DGKH: variants seen among roughly 807,000 people sequenced by gnomAD.
DGKH encodes DAG kinase eta.
A neutral mutation model predicts 159.3 loss-of-function variants in DGKH; 90 were observed. The ratio of observed to expected loss-of-function variants is 0.57; its 90% CI spans 0.48 to 0.67. The LOEUF (loss-of-function observed/expected upper bound fraction) is 0.67, where lower values mean the gene tolerates loss of function less well. DGKH is among the 30% of genes least tolerant of loss of function. DGKH has a pLI of 0.00. For missense variants in DGKH, 1,181 were observed against 1,506.1 expected, an observed-to-expected ratio of 0.78 and a Z score of 3.57; for synonymous variants, 536 against 553.8, an observed-to-expected ratio of 0.97 and a Z score of 0.45.
intron 1 of DGKH, among the ~76,000 whole-genome samples, chr13:42,055,107 C>T (rs1306778645): frequency 6.6e-6 from 1 of 152,118 alleles, no homozygotes; most frequent in African/African-American, 2.4e-5. Context: ...TAAAATCAGG[C>T]GGCCGGCAGG....
chr13:42,172,682 T>A (rs1956492803), intron 11 of DGKH, among the ~76,000 whole-genome samples: 1 of 152,196 alleles, frequency 6.6e-6, no homozygotes, highest in South Asian at 2.1e-4. Flanking sequence ...ATTTTACATC[T>A]TTTTCTTTGA....
At chr13:42,135,881 A>T (rs985288524) in intron 3 of DGKH, among the ~76,000 whole-genome samples, 1 of 152,138 alleles carries the variant, frequency 6.6e-6, no homozygotes, top group African/African-American at 2.4e-5. Flanking sequence ...TTTCTTCCTC[A>T]AACACTGCTC....
intron 1 of DGKH, among the ~76,000 whole-genome samples, chr13:42,049,269 G>T (rs1881078171): frequency 6.6e-6 from 1 of 152,112 alleles, no homozygotes. Flanking sequence ...CTGCGAGCCT[G>T]GGCTCCCAGG....
upstream of DGKH, among the ~76,000 whole-genome samples, chr13:42,046,262 A>C (rs893736671): frequency 1.3e-5 from 2 of 152,264 alleles, no homozygotes; most frequent in Non-Finnish European, 2.9e-5. Flanking sequence ...AAATTGTTTC[A>C]GTTGCTATTT....
intron 1 of DGKH, among the ~76,000 whole-genome samples, chr13:42,114,404 T>G (rs1954925556): frequency 6.6e-6 from 1 of 152,094 alleles, no homozygotes; most frequent in African/African-American, 2.4e-5. Context: ...TGTTCATTCA[T>G]TCATTTGTTC....
chr13:42,253,006 T>C (rs1186026525), intron 30 of DGKH, among the ~76,000 whole-genome samples: 2 of 152,198 alleles, frequency 1.3e-5, no homozygotes, highest in African/African-American at 4.8e-5. Flanking sequence ...AGTCTCATTA[T>C]TATCCAATTT....
chr13:42,233,993 A>T lies in DGKH; in HGVS notation c.*4805A>T, dbSNP rs769530858. 2.6e-5 allele frequency: 4 copies of T among 152,224 alleles called. No homozygotes were observed. The highest frequency in any genetic ancestry group is 2.9e-5 in the Non-Finnish European group (2 of 68,036). The allele number at this position is 152,224 out of a possible 1,614,324, so 9.4% of individuals were successfully genotyped here. A position where few individuals can be genotyped will look rare whatever the true frequency, so the allele number is the denominator to read the frequency against. ...AGATGATTGCAAGTTAATCTCATTT[A>T]AGCCCTCTAAAAAGGCATGCTTTGC... On this transcript the variant is annotated 3_prime_UTR_variant, in exon 30 of 30. Transcript: ENST00000337343.
In DGKH at chr13:42,041,272, C is replaced by T. The variant is rs183745118; in HGVS notation, c.-13+1146C>T. 8.3e-3 allele frequency among the ~76,000 whole-genome samples: 1,266 copies of T among 152,228 alleles called. 3 individuals carry two copies. Among genetic ancestry groups the T allele is most frequent in the Non-Finnish European group, 0.012 (802 of 67,970 alleles). ...AGGAGAAGCCAGGCTGCGCGGTCAG[C>T]GTGGGGAGTCTGAGGAGCCCGGTTT... On this transcript the variant is annotated intron_variant, in intron 1 of 29. Transcript: ENST00000379274.
At chr13:42,210,466 G>T in intron 23 of DGKH, 136 bp from the exon 24 acceptor site, 1 of 842,298 alleles carries the variant, frequency 1.2e-6, no homozygotes. Context: ...GGAAAACTTT[G>T]AAATGTCTTT....
intron 1 of DGKH, chr13:42,069,815 A>G: frequency 9.9e-7 from 1 of 1,008,840 alleles, no homozygotes; most frequent in Non-Finnish European, 1.5e-6. Flanking sequence ...TGATCTGGGT[A>G]CTGCCAACAA....
chr13:42,161,790 A>AAAAAG (rs959797883), intron 7 of DGKH, among the ~76,000 whole-genome samples: 59 of 152,112 alleles, frequency 3.9e-4, no homozygotes, highest in Non-Finnish European at 7.2e-4. Flanking sequence ...TCAAAAAAAA[A>AAAAAG]AAAAGAAAAG....
Position 42,069,560 on chromosome 13 carries a change from G to T in DGKH, c.192+20595G>T, listed in dbSNP as rs117365746. ...TCCCTTTCTTTTCCAGCCAGTTGCCGTGATGCTTCCTCTAGCGCTATCTGG... is the reference window on the plus strand; with the variant it reads ...TCCCTTTCTTTTCCAGCCAGTTGCCTTGATGCTTCCTCTAGCGCTATCTGG... On this transcript the variant is annotated intron_variant, in intron 1 of 29. Transcript: ENST00000337343. 1.2e-3 allele frequency: 1,929 copies of T among 1,592,622 alleles called. 35 individuals carry two copies. The East Asian group carries it at 0.036, about 29-fold the overall frequency.
At chr13:42,072,069 A>G (rs1258405826) in intron 1 of DGKH, among the ~76,000 whole-genome samples, 1 of 152,232 alleles carries the variant, frequency 6.6e-6, no homozygotes, top group East Asian at 1.9e-4. Flanking sequence ...TTTTGCTCCT[A>G]TGAGTTCATA....
intron 1 of DGKH, among the ~76,000 whole-genome samples, chr13:42,102,049 A>G (rs1355369729): frequency 6.6e-6 from 1 of 152,240 alleles, no homozygotes; most frequent in East Asian, 1.9e-4. Context: ...CCCTCAGCCC[A>G]GCATCTTGAT....
intron 1 of DGKH, chr13:42,070,023 C>T: frequency 1.1e-6 from 1 of 878,606 alleles, no homozygotes; most frequent in East Asian, 2.4e-5. Flanking sequence ...AGTCATAGTA[C>T]CTTTCCCAGT....
At chr13:42,128,936 C>G (rs182019766) in intron 2 of DGKH, among the ~76,000 whole-genome samples, 2 of 152,160 alleles carry the variant, frequency 1.3e-5, no homozygotes, top group Admixed American at 6.5e-5. Context: ...GCTGGAACAA[C>G]GCTGAATGAG....
At chr13:42,196,485 T>A (rs1268566635) in intron 17 of DGKH, among the ~76,000 whole-genome samples, 1 of 152,224 alleles carries the variant, frequency 6.6e-6, no homozygotes, top group Non-Finnish European at 1.5e-5. Flanking sequence ...GAAGCACTGA[T>A]ACATGCTATA....
chr13:42,058,815 C>G (rs1255818838), intron 1 of DGKH, among the ~76,000 whole-genome samples: 1 of 152,166 alleles, frequency 6.6e-6, no homozygotes, highest in African/African-American at 2.4e-5. Flanking sequence ...CCTCACCTGC[C>G]AGGTAGATAC....
intron 18 of DGKH, 150 bp downstream of exon 18, chr13:42,198,745 A>G: frequency 1.4e-6 from 1 of 731,772 alleles, no homozygotes; most frequent in Non-Finnish European, 2.2e-6. Context: ...TGATAATGCC[A>G]AGCACATTGA....
Sources: allele counts gnomAD v4.1 joint callset (sites outside exome capture counted in the v4.1 genomes callset), GRCh38; gene constraint gnomAD v4.1.1; transcripts MANE v1.5; gene names NCBI Gene and HGNC (gene_info 2026-07-23, HGNC 2026-07-21).